PPFIA2: variants seen among roughly 807,000 people sequenced by gnomAD.
PPFIA2 encodes PPFI scaffold protein A2.
A neutral mutation model predicts 175.5 loss-of-function variants in PPFIA2; 46 were observed. The ratio of observed to expected loss-of-function variants is 0.26; its 90% CI spans 0.21 to 0.34. The LOEUF (loss-of-function observed/expected upper bound fraction) is 0.34. Ranked by LOEUF, PPFIA2 falls within the 10% of genes least tolerant of loss-of-function variation. PPFIA2 has a pLI of 1.00. For synonymous variants in PPFIA2, 568 were observed against 511.4 expected (o/e 1.11, Z -1.49); for missense variants, 1,179 against 1,506.1 (o/e 0.78, Z 3.60).
At chr12:81,422,043 T>C (rs2046327173) in intron 7 of PPFIA2, among the ~76,000 whole-genome samples, 1 of 150,344 alleles carries the variant, frequency 6.7e-6, no homozygotes, top group African/African-American at 2.4e-5. Context: ...TAAACAGGTA[T>C]ATATATATAC....
intron 4 of PPFIA2, among the ~76,000 whole-genome samples, chr12:81,638,085 T>C (rs556762328): frequency 2.0e-5 from 3 of 152,224 alleles, no homozygotes; most frequent in African/African-American, 7.2e-5. Flanking sequence ...TTGAAATTTA[T>C]ACATCACTAT....
chr12:81,640,105 C>T (rs2064756868), intron 4 of PPFIA2, among the ~76,000 whole-genome samples: 4 of 152,014 alleles, frequency 2.6e-5, no homozygotes, highest in African/African-American at 7.2e-5. Context: ...TATGATTATA[C>T]ATAAACATGT....
chr12:81,709,275 A>G, intron 3 of PPFIA2, among the ~76,000 whole-genome samples: 1 of 152,112 alleles, frequency 6.6e-6, no homozygotes, highest in East Asian at 1.9e-4. Context: ...ACAGCATTCC[A>G]GAGTTTTCTT....
intron 2 of PPFIA2, among the ~76,000 whole-genome samples, chr12:81,755,068 T>C (rs2084425500): frequency 6.6e-6 from 1 of 152,192 alleles, no homozygotes; most frequent in Admixed American, 6.5e-5. Context: ...CTAGCACTCT[T>C]TCAAATATTC....
At chr12:81,637,727 T>C (rs1202212431) in intron 4 of PPFIA2, among the ~76,000 whole-genome samples, 2 of 152,118 alleles carry the variant, frequency 1.3e-5, no homozygotes, top group Non-Finnish European at 2.9e-5. Flanking sequence ...CTGATGGCAA[T>C]TGGTTCCAGT....
chr12:81,510,532 C>G (rs2061656071), intron 4 of PPFIA2, among the ~76,000 whole-genome samples: 1 of 151,992 alleles, frequency 6.6e-6, no homozygotes, highest in Admixed American at 6.6e-5. Flanking sequence ...GATTTTATTT[C>G]TTTAATTCTA....
At chr12:81,561,163 G>C (rs903971040) in intron 4 of PPFIA2, among the ~76,000 whole-genome samples, 19 of 152,088 alleles carry the variant, frequency 1.2e-4, no homozygotes, top group African/African-American at 4.3e-4. Flanking sequence ...GTTTACATGA[G>C]AAGAAAGAAA....
chr12:81,508,784 T>G, intron 4 of PPFIA2, among the ~76,000 whole-genome samples: 1 of 101,816 alleles, frequency 9.8e-6, no homozygotes, highest in Non-Finnish European at 1.8e-5. Flanking sequence ...CCCACAACAG[T>G]CCCCAGAGTG....
At chr12:81,657,840 T>C (rs1172635372) in intron 4 of PPFIA2, among the ~76,000 whole-genome samples, 2 of 152,240 alleles carry the variant, frequency 1.3e-5, no homozygotes, top group African/African-American at 4.8e-5. Context: ...GTTCAACATC[T>C]ACCTCTCAAA....
chr12:81,700,299 T>C (rs1445781314), intron 3 of PPFIA2, among the ~76,000 whole-genome samples: 1 of 152,048 alleles, frequency 6.6e-6, no homozygotes, highest in Non-Finnish European at 1.5e-5. Flanking sequence ...ATATAAAATA[T>C]GTAAATGAAA....
intron 4 of PPFIA2, among the ~76,000 whole-genome samples, chr12:81,674,479 C>T (rs1381832398): frequency 6.6e-6 from 1 of 151,890 alleles, no homozygotes; most frequent in Admixed American, 6.6e-5. Flanking sequence ...ACCAGCCTGA[C>T]CAACACGGTG....
At chr12:81,522,429 G>GA (rs967344142) in intron 4 of PPFIA2, among the ~76,000 whole-genome samples, 30 of 150,562 alleles carry the variant, frequency 2.0e-4, no homozygotes, top group African/African-American at 4.9e-4. Context: ...TTCACTCTCT[G>GA]AAAAAAAAAG....
chr12:81,654,466 C>A (rs985060443), intron 4 of PPFIA2, among the ~76,000 whole-genome samples: 7 of 152,004 alleles, frequency 4.6e-5, no homozygotes, highest in Non-Finnish European at 1.0e-4. Flanking sequence ...AATTTCTGCA[C>A]AGAAGAACAA....
chr12:81,593,595 A>G (rs909218425), intron 4 of PPFIA2, among the ~76,000 whole-genome samples: 1 of 152,202 alleles, frequency 6.6e-6, no homozygotes, highest in African/African-American at 2.4e-5. Context: ...GAAGCATAAA[A>G]TTTGTTTTGG....
At position 81,358,292 on chromosome 12, in the gene PPFIA2, T is replaced by C. The variant is rs2061145570; in HGVS notation, c.1638-75A>G. 7.4e-6 allele frequency: 10 copies of C among 1,352,390 alleles called. No homozygotes were observed. The South Asian group carries it at 1.3e-4, about 18-fold the overall frequency. 83.8% of individuals were successfully genotyped at this position (1,352,390 alleles called of 1,614,324 possible). Reference sequence around the variant, plus strand: ...ACCAGGAAATTACTATCTGCTGTTTTACTGGCAATAAAGCAGAAATCCTCA... The same window carrying C: ...ACCAGGAAATTACTATCTGCTGTTTCACTGGCAATAAAGCAGAAATCCTCA... On this transcript the variant is annotated intron_variant, in intron 15 of 32. Coordinates refer to ENST00000549396, the MANE Select transcript of PPFIA2 (RefSeq NM_003625.5).
At chr12:81,543,041 G>A (rs954988801) in intron 4 of PPFIA2, among the ~76,000 whole-genome samples, 21 of 152,088 alleles carry the variant, frequency 1.4e-4, no homozygotes, top group African/African-American at 5.1e-4. Context: ...TTAACTTGTG[G>A]CCTCTCTCCA....
At chr12:81,386,275 T>TTAAA (rs36182501) in intron 8 of PPFIA2, among the ~76,000 whole-genome samples, 6,755 of 135,652 alleles carry the variant, frequency 0.05, 172 homozygotes, top group South Asian at 0.073. Context: ...CTTACAACCT[T>TTAAA]TAAATAAATA....
intron 22 of PPFIA2, among the ~76,000 whole-genome samples, chr12:81,311,761 G>C (rs56366336): frequency 0.35 from 49,326 of 142,314 alleles, 9,453 homozygotes; most frequent in East Asian, 0.5. Context: ...AAGAAAGAAA[G>C]AAAGAAAGAA....
chr12:81,637,266 T>G (rs2064219777), intron 4 of PPFIA2, among the ~76,000 whole-genome samples: 1 of 63,256 alleles, frequency 1.6e-5, no homozygotes, highest in African/African-American at 4.7e-5. Flanking sequence ...TTTTTTTTTT[T>G]TTTTTTTTTT....
Sources: allele counts gnomAD v4.1 joint callset (sites outside exome capture counted in the v4.1 genomes callset), GRCh38; gene constraint gnomAD v4.1.1; transcripts MANE v1.5; gene names NCBI Gene and HGNC (gene_info 2026-07-23, HGNC 2026-07-21).